Variants in SMYD3 observed in about 807,000 individuals in gnomAD.
The protein encoded by SMYD3 is SET and MYND domain containing 3, also known as histone-lysine N-methyltransferase SMYD3.
Under a neutral mutation model 57.7 loss-of-function variants are expected in SMYD3, and 36 were observed. The ratio of observed to expected loss-of-function variants is 0.62; its 90% CI spans 0.48 to 0.82. SMYD3 has a LOEUF of 0.82. Among genes scored for constraint, SMYD3 ranks in the 40% least tolerant of loss-of-function variants. SMYD3 has a pLI of 0.00. For missense variants in SMYD3, 515 were observed against 538.8 expected, an observed-to-expected ratio of 0.96 and a Z score of 0.44; for synonymous variants, 211 against 195.0, an observed-to-expected ratio of 1.08 and a Z score of -0.68.
chr1:246,396,539 A>G (rs2066675778), intron 1 of SMYD3, among the ~76,000 whole-genome samples: 1 of 152,212 alleles, frequency 6.6e-6, no homozygotes, highest in Non-Finnish European at 1.5e-5. Flanking sequence ...ATTATGCAAC[A>G]TCGGTTTATT....
At chr1:246,027,975 G>A (rs1462566403) in intron 5 of SMYD3, among the ~76,000 whole-genome samples, 1 of 152,128 alleles carries the variant, frequency 6.6e-6, no homozygotes, top group African/African-American at 2.4e-5. Flanking sequence ...AGTTTGGAAG[G>A]TTGATTCCAA....
At chr1:245,886,570 G>A (rs1020957523) in intron 8 of SMYD3, among the ~76,000 whole-genome samples, 2 of 152,040 alleles carry the variant, frequency 1.3e-5, no homozygotes, top group East Asian at 3.9e-4. Context: ...GAAACAAACC[G>A]TTTGCCATAT....
intron 8 of SMYD3, among the ~76,000 whole-genome samples, chr1:245,895,193 C>T (rs1037798528): frequency 2.0e-5 from 3 of 152,124 alleles, no homozygotes; most frequent in Non-Finnish European, 2.9e-5. Context: ...CTCAAACAGA[C>T]AGTCATTCAC....
intron 5 of SMYD3, among the ~76,000 whole-genome samples, chr1:246,249,782 C>A (rs1005991835): frequency 6.6e-6 from 1 of 152,198 alleles, no homozygotes; most frequent in Non-Finnish European, 1.5e-5. Flanking sequence ...ATTGATCTCA[C>A]CTTTCACTGT....
intron 1 of SMYD3, among the ~76,000 whole-genome samples, chr1:246,397,830 G>C (rs2066697649): frequency 6.6e-6 from 1 of 151,990 alleles, no homozygotes; most frequent in Admixed American, 6.6e-5. Flanking sequence ...GACTGGTTTG[G>C]GATGAAATCA....
chr1:246,206,265 GGGAA>G (rs138126466), intron 5 of SMYD3, among the ~76,000 whole-genome samples: 19 of 151,514 alleles, frequency 1.3e-4, no homozygotes, highest in African/African-American at 4.6e-4. Context: ...CATCAAAATG[GGGAA>G]GGAAGGAAGG....
intron 10 of SMYD3, among the ~76,000 whole-genome samples, chr1:245,815,937 A>G (rs1390894625): frequency 6.6e-6 from 1 of 152,138 alleles, no homozygotes; most frequent in African/African-American, 2.4e-5. Flanking sequence ...CTCCACTCCA[A>G]GTGCCTACTG....
chr1:246,360,697 G>C (rs1468310027), intron 1 of SMYD3, among the ~76,000 whole-genome samples: 1 of 152,154 alleles, frequency 6.6e-6, no homozygotes, highest in East Asian at 1.9e-4. Flanking sequence ...ATAAAGTAGG[G>C]AAAGGACACC....
chr1:245,902,201 C>G (rs2054233590), intron 8 of SMYD3, among the ~76,000 whole-genome samples: 1 of 152,212 alleles, frequency 6.6e-6, no homozygotes, highest in African/African-American at 2.4e-5. Flanking sequence ...CTCTAGCCCA[C>G]ACTGTGTCCT....
intron 5 of SMYD3, among the ~76,000 whole-genome samples, chr1:246,325,071 C>G (rs185491732): frequency 0.32 from 189 of 598 alleles, 2 homozygotes; most frequent in Middle Eastern, 0.5. Flanking sequence ...GAAGGAGTCG[C>G]GGGGGCGGGA....
At chr1:246,007,510 A>G (rs10924444) in intron 5 of SMYD3, among the ~76,000 whole-genome samples, 141,219 of 152,192 alleles carry the variant, frequency 0.93, 65,936 homozygotes, top group Middle Eastern at 0.99. Context: ...TGAAAGGACT[A>G]AAGAAAAGGC....
chr1:246,227,612 C>T (rs1040936553), intron 5 of SMYD3, among the ~76,000 whole-genome samples: 7 of 150,634 alleles, frequency 4.6e-5, no homozygotes, highest in Non-Finnish European at 7.4e-5. Flanking sequence ...GAGACTCCAT[C>T]TCAAAAAAAA....
chr1:246,423,396 C>T (rs897464342), intron 1 of SMYD3, among the ~76,000 whole-genome samples: 3 of 151,976 alleles, frequency 2.0e-5, no homozygotes, highest in African/African-American at 7.2e-5. Context: ...CACAGACTAC[C>T]ATCTCATAAG....
intron 8 of SMYD3, among the ~76,000 whole-genome samples, chr1:245,885,584 C>T (rs1169210487): frequency 6.6e-6 from 1 of 152,102 alleles, no homozygotes; most frequent in Non-Finnish European, 1.5e-5. Context: ...CCAGATAAGG[C>T]CCCTCCTTTC....
In SMYD3 at chr1:246,202,269, C is replaced by T. The variant is rs2062933860; in HGVS notation, c.531+124932G>A. Reference sequence around the variant, plus strand: ...AGTACTGTAGTTCCTGAAACACTGCCTTAAAAATCCATTTTTCTCATAAAT... The same window carrying T: ...AGTACTGTAGTTCCTGAAACACTGCTTTAAAAATCCATTTTTCTCATAAAT... On this transcript the variant is annotated intron_variant, in intron 5 of 11. Coordinates refer to ENST00000490107, the MANE Select transcript of SMYD3 (RefSeq NM_001167740.2). This position sits in a 1 kb window ranked among gnomAD's most constrained non-coding sequence, Gnocchi z 4.1. Among the ~76,000 whole-genome samples the T allele has an allele frequency of 6.6e-6, 1 of 152,116 alleles. No individual in the cohort carries two copies. The highest frequency in any genetic ancestry group is 1.5e-5 in the Non-Finnish European group (1 of 68,020).
intron 1 of SMYD3, among the ~76,000 whole-genome samples, chr1:246,405,922 A>AG (rs1429980385): frequency 3.4e-5 from 5 of 148,918 alleles, no homozygotes; most frequent in African/African-American, 4.9e-5. Flanking sequence ...AAAAAAAAAA[A>AG]AAAGAAAGAA....
chr1:246,089,660 C>T (rs2060786718), intron 5 of SMYD3, among the ~76,000 whole-genome samples: 1 of 152,098 alleles, frequency 6.6e-6, no homozygotes, highest in African/African-American at 2.4e-5. Context: ...ATTTCTTTTG[C>T]ACACCATGAA....
At position 245,962,460 on chromosome 1, in the gene SMYD3, C is replaced by T. The variant is rs370641607; in HGVS notation, c.532-32523G>A. ...TCGCTAAACTCTGCCTGAAGTTCAA[C>T]GCCTCTGTCATTGAAGACCTTGCAC... is the stretch of plus-strand genomic sequence containing the variant. On this transcript the variant is annotated intron_variant, in intron 5 of 11. Coordinates refer to ENST00000490107, the MANE Select transcript of SMYD3 (RefSeq NM_001167740.2). Among the ~76,000 whole-genome samples, 7 of 152,290 alleles carry T rather than the reference C, an allele frequency of 4.6e-5. No individual in the cohort carries two copies. The East Asian group carries it at 5.8e-4, about 13-fold the overall frequency.
intron 5 of SMYD3, among the ~76,000 whole-genome samples, chr1:246,173,131 C>T (rs1281367975): frequency 2.0e-5 from 3 of 149,010 alleles, no homozygotes; most frequent in African/African-American, 2.5e-5. Context: ...GCTACACAGG[C>T]CTAGAACACT....
Sources: gnomAD v4.1 joint callset for allele counts (sites outside exome capture counted in the v4.1 genomes callset) on GRCh38, gnomAD v4.1.1 for gene constraint, Gnocchi (gnomAD v3.1) non-coding constraint, MANE v1.5 for transcripts, NCBI Gene and HGNC (gene_info 2026-07-23, HGNC 2026-07-21) for gene names.